The following COG6 variants were observed in gnomAD, a reference collection of about 807,000 sequenced individuals.
COG6 encodes conserved oligomeric Golgi complex subunit 6.
Under a neutral mutation model 88.8 loss-of-function variants are expected in COG6, and 74 were observed. That is an observed-to-expected ratio of 0.83 (90% confidence interval 0.69 to 1.01). The LOEUF (loss-of-function observed/expected upper bound fraction) is 1.01. Among genes scored for constraint, COG6 ranks in the 50% least tolerant of loss-of-function variants. The pLI, the probability that COG6 is intolerant of heterozygous loss-of-function variation, is 0.00. For synonymous variants in COG6, 286 were observed against 278.7 expected, an observed-to-expected ratio of 1.03 and a Z score of -0.26; for missense variants, 800 against 797.9, an observed-to-expected ratio of 1.00 and a Z score of -0.03.
chr13:39,778,557 C>T (rs1242069622), intron 18 of COG6, among the ~76,000 whole-genome samples: 1 of 151,958 alleles, frequency 6.6e-6, no homozygotes, highest in Non-Finnish European at 1.5e-5. Flanking sequence ...CCTTCAGACC[C>T]CCCTGGATTG....
intron 18 of COG6, among the ~76,000 whole-genome samples, chr13:39,762,213 C>T (rs1384673667): frequency 2.0e-5 from 3 of 151,780 alleles, no homozygotes; most frequent in African/African-American, 7.2e-5. Flanking sequence ...TCATTTGTGC[C>T]AACATGGATA....
chr13:39,665,057 A>G (rs746738391), intron 3 of COG6, 39 bp from the exon 4 acceptor site: 2 of 937,370 alleles, frequency 2.1e-6, no homozygotes, highest in Admixed American at 3.5e-5. Context: ...ATATAATAAA[A>G]TTGGAATTTA....
At chr13:39,766,444 C>G (rs1010332292) in intron 18 of COG6, among the ~76,000 whole-genome samples, 1 of 152,124 alleles carries the variant, frequency 6.6e-6, no homozygotes, top group Non-Finnish European at 1.5e-5. Flanking sequence ...CCCAAAAAAA[C>G]CTGGGGGAAC....
intron 1 of COG6, among the ~76,000 whole-genome samples, chr13:39,657,093 G>A (rs182818200): frequency 2.0e-5 from 3 of 152,090 alleles, no homozygotes; most frequent in African/African-American, 7.2e-5. Context: ...TGCAATGGGC[G>A]CAGTCTCGGC....
intron 18 of COG6, among the ~76,000 whole-genome samples, chr13:39,749,925 TAAC>T (rs762938763): frequency 3.0e-4 from 46 of 152,152 alleles, no homozygotes; most frequent in Admixed American, 7.2e-4. Flanking sequence ...AAGATTGATC[TAAC>T]AACAGTGCCT....
chr13:39,769,785 TTTGTGC>T (rs559683117), intron 18 of COG6, among the ~76,000 whole-genome samples: 2,289 of 152,142 alleles, frequency 0.015, 68 homozygotes, highest in African/African-American at 0.052. Context: ...ATGAAAGGGT[TTTGTGC>T]CCTTATAAAA....
intron 18 of COG6, among the ~76,000 whole-genome samples, chr13:39,747,921 C>G (rs1056424896): frequency 6.6e-6 from 1 of 152,134 alleles, no homozygotes; most frequent in Non-Finnish European, 1.5e-5. Flanking sequence ...TTACTCTGAA[C>G]TTTTAAAAAT....
chr13:39,667,509 T>C (rs989748696), intron 4 of COG6, among the ~76,000 whole-genome samples: 1 of 152,188 alleles, frequency 6.6e-6, no homozygotes, highest in Non-Finnish European at 1.5e-5. Context: ...TATAGCTGGA[T>C]AAATGATCAT....
chr13:39,715,274 TACAC>T (rs35957437), intron 13 of COG6, among the ~76,000 whole-genome samples: 15 of 149,992 alleles, frequency 1.0e-4, no homozygotes, highest in African/African-American at 2.4e-4. Flanking sequence ...TCTCTCTCTA[TACAC>T]ACACACACAC....
At position 39,679,764 on chromosome 13, in the gene COG6, A is replaced by G. The variant is rs4941940; in HGVS notation, c.623+144A>G. 492,264 of 727,560 alleles carry G rather than the reference A, an allele frequency of 0.68. 167,705 individuals are homozygous for G. Among genetic ancestry groups the G allele is most frequent in the Admixed American group, 0.78 (38,573 of 49,310 alleles). 45.1% of individuals were successfully genotyped at this position (727,560 alleles called of 1,614,324 possible). A position where few individuals can be genotyped will look rare whatever the true frequency, so the allele number is the denominator to read the frequency against. On this transcript the variant is annotated intron_variant, in intron 6 of 18. Transcript: ENST00000455146. ...TATCTTTAGAGAATGGTGAAGTTAT[A>G]CTCTGACAGGTTTAGGCTAAAACAG...
chr13:39,743,197 G>C (rs1880143420), intron 18 of COG6, among the ~76,000 whole-genome samples: 1 of 152,116 alleles, frequency 6.6e-6, no homozygotes, highest in South Asian at 2.1e-4. Flanking sequence ...AAAAGAACTA[G>C]AGAAGCAAGA....
At chr13:39,745,839 T>C (rs1329036602) in intron 18 of COG6, among the ~76,000 whole-genome samples, 3 of 152,058 alleles carry the variant, frequency 2.0e-5, no homozygotes, top group African/African-American at 7.2e-5. Context: ...AACCCAAATG[T>C]CCATCAATGA....
chr13:39,703,547 A>G (rs1435297966), intron 13 of COG6, among the ~76,000 whole-genome samples: 1 of 152,120 alleles, frequency 6.6e-6, no homozygotes, highest in Non-Finnish European at 1.5e-5. Context: ...TTTCTGACAC[A>G]TCAACTTTTA....
chr13:39,767,129 C>G (rs1453635143), intron 18 of COG6, among the ~76,000 whole-genome samples: 1 of 152,156 alleles, frequency 6.6e-6, no homozygotes, highest in Non-Finnish European at 1.5e-5. Context: ...TAAAAAGTGC[C>G]TACAATAAGC....
chr13:39,668,766 C>T (rs1427036033), intron 4 of COG6, among the ~76,000 whole-genome samples: 3 of 146,472 alleles, frequency 2.0e-5, no homozygotes, highest in South Asian at 2.1e-4. Context: ...CCAGCCTGGG[C>T]GACAGAGCGA....
intron 18 of COG6, among the ~76,000 whole-genome samples, chr13:39,728,675 CTT>C (rs879320337): frequency 1.4e-5 from 2 of 145,058 alleles, no homozygotes; most frequent in East Asian, 2.0e-4. Flanking sequence ...GTAGGTGCTT[CTT>C]TTTTTTTTTT....
intron 18 of COG6, among the ~76,000 whole-genome samples, chr13:39,765,489 C>A (rs1881137296): frequency 6.6e-6 from 1 of 152,178 alleles, no homozygotes; most frequent in Non-Finnish European, 1.5e-5. Flanking sequence ...TAGAAATAAT[C>A]TTATTTCACT....
At chr13:39,727,832 C>T (rs748671801) in intron 18 of COG6, among the ~76,000 whole-genome samples, 1 of 151,956 alleles carries the variant, frequency 6.6e-6, no homozygotes, top group African/African-American at 2.4e-5. Flanking sequence ...AATTCCCTTA[C>T]GTTAACAAAC....
chr13:39,699,266 G>T (rs1254439867), intron 12 of COG6, among the ~76,000 whole-genome samples: 1 of 151,682 alleles, frequency 6.6e-6, no homozygotes, highest in African/African-American at 2.4e-5. Context: ...TGCTAAAAGA[G>T]ATTGTGAAAT....
Sources: allele counts gnomAD v4.1 joint callset (sites outside exome capture counted in the v4.1 genomes callset), GRCh38; gene constraint gnomAD v4.1.1; transcripts MANE v1.5; gene names NCBI Gene and HGNC (gene_info 2026-07-23, HGNC 2026-07-21).